Variants in ATP1A2 observed in about 807,000 individuals in gnomAD.
ATP1A2 encodes the protein ATPase Na+/K+ transporting subunit alpha 2.
ATP1A2 carries 56 observed loss-of-function variants against 113.1 expected under a neutral mutation model. That is an observed-to-expected ratio of 0.49 (90% CI 0.40 to 0.62). The LOEUF (loss-of-function observed/expected upper bound fraction) is 0.62. Ranked by LOEUF, ATP1A2 falls within the 20% of genes least tolerant of loss-of-function variation. ATP1A2 has a pLI of 0.00. For missense variants in ATP1A2, 712 were observed against 1,357.8 expected, an observed-to-expected ratio of 0.52 and a Z score of 7.47; for synonymous variants, 490 against 526.8, an observed-to-expected ratio of 0.93 and a Z score of 0.96.
In ATP1A2 at chr1:160,115,857, C is replaced by T. The variant is rs2101980021; in HGVS notation, c.-5C>T. 6.3e-7 allele frequency: 1 copy of T among 1,599,388 alleles called. No homozygotes were observed. Among genetic ancestry groups the T allele is most frequent in the East Asian group, 2.3e-5 (1 of 44,404 alleles). ...GCTAAGGTCCCTCAGCCACTCTGCC[C>T]CAAGATGGGCCGTGGGGTGAGTATC... is the stretch of plus-strand genomic sequence containing the variant. On this transcript the variant is annotated 5_prime_UTR_variant, in exon 1 of 23. Coordinates refer to ENST00000361216, the MANE Select transcript of ATP1A2 (RefSeq NM_000702.4).
intron 22 of ATP1A2, chr1:160,140,846 CTTTTTTTTTTTT>C (rs1045304439): frequency 8.0e-5 from 7 of 87,090 alleles, no homozygotes; most frequent in South Asian, 2.3e-4. Context: ...CTTTCACCTT[CTTTTTTTTTTTT>C]TTTTTTTTTT....
chr1:160,136,228 C>A lies in ATP1A2; in HGVS notation c.2440-19C>A. 1 of 1,614,132 alleles carries A rather than the reference C, an allele frequency of 6.2e-7. No homozygotes were observed. The highest frequency in any genetic ancestry group is 8.5e-7 in the Non-Finnish European group (1 of 1,180,026). On this transcript the variant is annotated intron_variant, in intron 17 of 22. Coordinates refer to ENST00000361216, the MANE Select transcript of ATP1A2 (RefSeq NM_000702.4). ...GTCCCTTCAAATGCCCTCCCTGCCC[C>A]ATTTCCTACCCCACACAGGTCCCTG...
chr1:160,116,189 C>T (rs1420523135), intron 1 of ATP1A2, among the ~76,000 whole-genome samples: 5 of 152,140 alleles, frequency 3.3e-5, no homozygotes, highest in African/African-American at 1.2e-4. Flanking sequence ...GCAGTCCCTC[C>T]TCTCACTGCA....
intron 22 of ATP1A2, chr1:160,140,663 C>T (rs1652116103): frequency 6.1e-6 from 1 of 164,842 alleles, no homozygotes; most frequent in Non-Finnish European, 1.3e-5. Context: ...TGGACAGCTG[C>T]TCCCTTAGAC....
rs953612876 is a variant in ATP1A2 at position 160,143,509 on chromosome 1, G to A, written c.*2187G>A. The A allele has an allele frequency of 3.9e-5, 6 of 152,506 alleles. No homozygotes were observed. The allele number at this position is 152,506 out of a possible 1,614,324, so 9.4% of individuals were successfully genotyped here. ...AAGAAACATCTACAGGATCTTTATT[G>A]GTGACCTTTTGTAAGACATTAGTTT... On this transcript the variant is annotated 3_prime_UTR_variant, in exon 23 of 23. Transcript: ENST00000361216.
chr1:160,131,041 A>G (rs1393601794), intron 13 of ATP1A2, among the ~76,000 whole-genome samples: 2 of 152,026 alleles, frequency 1.3e-5, no homozygotes, highest in Non-Finnish European at 2.9e-5. Flanking sequence ...CTCTTGTTCA[A>G]CTACAATTGC....
intron 7 of ATP1A2, among the ~76,000 whole-genome samples, chr1:160,126,530 T>C (rs1478923562): frequency 6.6e-5 from 10 of 152,122 alleles, no homozygotes; most frequent in Admixed American, 6.6e-4. Context: ...AGTGCAGTGG[T>C]GCAATCACAG....
At chr1:160,134,867 C>G (rs1651885381) in intron 14 of ATP1A2, among the ~76,000 whole-genome samples, 1 of 152,162 alleles carries the variant, frequency 6.6e-6, no homozygotes. Flanking sequence ...AATTAGGATG[C>G]CATCTCCACT....
At chr1:160,118,227 A>G (rs1206311495) in intron 1 of ATP1A2, among the ~76,000 whole-genome samples, 2 of 152,212 alleles carry the variant, frequency 1.3e-5, no homozygotes, top group South Asian at 2.1e-4. Context: ...CATGCATTTT[A>G]TTCCAATTTT....
chr1:160,137,819 G>A (rs1323645260), intron 20 of ATP1A2, among the ~76,000 whole-genome samples: 2 of 152,134 alleles, frequency 1.3e-5, no homozygotes, highest in African/African-American at 4.8e-5. Flanking sequence ...TTCTTAGTTT[G>A]GGGCTGGGGA....
intron 13 of ATP1A2, among the ~76,000 whole-genome samples, chr1:160,133,231 A>G (rs1651823160): frequency 6.6e-6 from 1 of 152,096 alleles, no homozygotes; most frequent in African/African-American, 2.4e-5. Context: ...GAAGAGGTCA[A>G]CGGTGCCAAA....
intron 17 of ATP1A2, 29 bp from the exon 18 acceptor site, chr1:160,136,218 C>T (rs1158534633): frequency 6.2e-7 from 1 of 1,613,906 alleles, no homozygotes; most frequent in African/African-American, 1.3e-5. Flanking sequence ...TTCAAATGCC[C>T]TCCCTGCCCC....
At chr1:160,128,604 T>A (rs751174160) in intron 8 of ATP1A2, 48 bp from the exon 9 acceptor site, 3 of 1,613,746 alleles carry the variant, frequency 1.9e-6, no homozygotes, top group Non-Finnish European at 2.5e-6. Context: ...GTTATGGCCA[T>A]CTCCGGCTTC....
At chr1:160,138,317 C>T (rs564207569) in intron 20 of ATP1A2, among the ~76,000 whole-genome samples, 1 of 152,352 alleles carries the variant, frequency 6.6e-6, no homozygotes, top group African/African-American at 2.4e-5. Context: ...AAGCCAAGAG[C>T]GCATATCATG....
At chr1:160,121,387 C>T in intron 3 of ATP1A2, 136 bp downstream of exon 3, 1 of 1,038,312 alleles carries the variant, frequency 9.6e-7, no homozygotes. Flanking sequence ...AAGGACTGGC[C>T]CAAGGACATG....
At chr1:160,140,957 G>A (rs1431745782) in intron 22 of ATP1A2, among the ~76,000 whole-genome samples, 3 of 149,036 alleles carry the variant, frequency 2.0e-5, no homozygotes, top group Non-Finnish European at 4.4e-5. Context: ...CCGCCTCCTG[G>A]GTTCAAGCAA....
chr1:160,129,734 G>C (rs79601500), intron 11 of ATP1A2, among the ~76,000 whole-genome samples: 5,859 of 152,052 alleles, frequency 0.039, 146 homozygotes, highest in African/African-American at 0.062. Flanking sequence ...TAGCCTTTAG[G>C]CACCTGTTAA....
Position 160,115,854 on chromosome 1 carries a change from G to T in ATP1A2, c.-8G>T. The stretch of plus-strand genomic sequence containing the variant: ...CCCGCTAAGGTCCCTCAGCCACTCT[G>T]CCCCAAGATGGGCCGTGGGGTGAGT... On this transcript the variant is annotated 5_prime_UTR_variant, in exon 1 of 23. Transcript: ENST00000361216. The T allele has an allele frequency of 6.3e-7, 1 of 1,599,020 alleles. No homozygotes were observed. Among genetic ancestry groups the T allele is most frequent in the Non-Finnish European group, 8.5e-7 (1 of 1,173,086 alleles).
At chr1:160,120,096 T>A (rs941980759) in intron 1 of ATP1A2, among the ~76,000 whole-genome samples, 3 of 152,040 alleles carry the variant, frequency 2.0e-5, no homozygotes, top group Non-Finnish European at 2.9e-5. Context: ...TAAAATGTAG[T>A]TTTAGATTTA....
Sources: allele counts gnomAD v4.1 joint callset (sites outside exome capture counted in the v4.1 genomes callset), GRCh38; gene constraint gnomAD v4.1.1; transcripts MANE v1.5; gene names NCBI Gene and HGNC (gene_info 2026-07-23, HGNC 2026-07-21).